Variants in BPTF observed in about 807,000 individuals in gnomAD.
BPTF encodes nucleosome-remodeling factor subunit BPTF.
In BPTF, 18 loss-of-function variants were observed where a neutral mutation model predicts 292.5. The observed-to-expected ratio is 0.06, with a 90% confidence interval of 0.04 to 0.09. The LOEUF is 0.09. Ranked by LOEUF, BPTF falls within the 10% of genes least tolerant of loss-of-function variation. The probability of loss-of-function intolerance (pLI) is 1.00; values close to 1 mark genes in which losing one functional copy is unlikely to be tolerated. For missense variants in BPTF, 2,726 were observed against 3,498.7 expected (o/e 0.78, Z 5.57); for synonymous variants, 1,225 against 1,251.9 (o/e 0.98, Z 0.45).
At chr17:67,882,206 A>T (rs1025341970) in intron 4 of BPTF, among the ~76,000 whole-genome samples, 2 of 150,424 alleles carry the variant, frequency 1.3e-5, no homozygotes, top group Non-Finnish European at 3.0e-5. Flanking sequence ...ACTTGGAATC[A>T]TTTTTTTTTC....
At chr17:67,842,313 C>G (rs903471668) in intron 1 of BPTF, among the ~76,000 whole-genome samples, 7 of 152,134 alleles carry the variant, frequency 4.6e-5, no homozygotes, top group Non-Finnish European at 8.8e-5. Context: ...TCTTAAATTT[C>G]CTGTTGCAAC....
chr17:67,916,765 CAAAAAAA>C (rs768285922), intron 11 of BPTF, among the ~76,000 whole-genome samples: 1 of 56,382 alleles, frequency 1.8e-5, no homozygotes, highest in African/African-American at 5.7e-5. Flanking sequence ...TACTCTGTCT[CAAAAAAA>C]AAAAAAAAAA....
chr17:67,897,256 G>A (rs567648041), intron 7 of BPTF, among the ~76,000 whole-genome samples: 24 of 145,580 alleles, frequency 1.6e-4, no homozygotes, highest in Non-Finnish European at 2.8e-4. Flanking sequence ...CATGAGAATC[G>A]CTTGAACCCG....
intron 2 of BPTF, among the ~76,000 whole-genome samples, chr17:67,860,559 A>G (rs1217255212): frequency 6.6e-6 from 1 of 152,222 alleles, no homozygotes; most frequent in Non-Finnish European, 1.5e-5. Context: ...CTCAGAGGCC[A>G]GTTTTCATTC....
chr17:67,827,567 A>G (rs574010203), intron 1 of BPTF, among the ~76,000 whole-genome samples: 1 of 152,340 alleles, frequency 6.6e-6, no homozygotes, highest in South Asian at 2.1e-4. Flanking sequence ...CCTTTAAAAA[A>G]TAAAGTTTAT....
At chr17:67,958,696 A>G (rs2067180185) in intron 23 of BPTF, among the ~76,000 whole-genome samples, 1 of 151,320 alleles carries the variant, frequency 6.6e-6, no homozygotes, top group East Asian at 1.9e-4. Context: ...GTGCCACTGC[A>G]CTCCAGCCTA....
chr17:67,957,949 AG>A (rs2067112058), intron 23 of BPTF, among the ~76,000 whole-genome samples: 1 of 152,204 alleles, frequency 6.6e-6, no homozygotes, highest in Non-Finnish European at 1.5e-5. Context: ...TAGGGTAATA[AG>A]GTTTGCTTTG....
At chr17:67,973,263 A>G (rs1370840966) in intron 26 of BPTF, among the ~76,000 whole-genome samples, 2 of 149,838 alleles carry the variant, frequency 1.3e-5, no homozygotes, top group African/African-American at 4.9e-5. Context: ...AGTCCTAGCT[A>G]CTCCAGAGGC....
intron 2 of BPTF, among the ~76,000 whole-genome samples, chr17:67,865,893 A>G (rs2145448168): frequency 6.6e-6 from 1 of 152,276 alleles, no homozygotes; most frequent in African/African-American, 2.4e-5. Context: ...ATTATTTGAG[A>G]TAACTCCTTC....
chr17:67,904,575 T>G (rs2062054409), intron 8 of BPTF, 127 bp from the exon 9 acceptor site: 1 of 675,168 alleles, frequency 1.5e-6, no homozygotes, highest in African/African-American at 1.9e-5. Flanking sequence ...TGGAAAAACC[T>G]GGGGATGATT....
chr17:67,945,912 C>G lies in BPTF; in HGVS notation c.7204C>G (p.Gln2402Glu). 1.2e-6 allele frequency: 2 copies of G among 1,614,194 alleles called. No homozygotes were observed. The highest frequency in any genetic ancestry group is 1.7e-6 in the Non-Finnish European group (2 of 1,180,030). Residue 2402 changes from glutamine to glutamate, a missense_variant, in exon 21 of 28, where the codon CAA becomes GAA. Coordinates refer to ENST00000306378, the MANE Select transcript of BPTF (RefSeq NM_182641.4). ...QSQPQVQSST[Q>E]TLSSGQTLNQ... The stretch of plus-strand genomic sequence containing the variant: ...ACAACCCCAGGTACAGTCTTCAACT[C>G]AAACTCTTTCATCAGGACAAACTTT...
chr17:67,839,170 C>A (rs1306131926), intron 1 of BPTF, among the ~76,000 whole-genome samples: 83 of 151,254 alleles, frequency 5.5e-4, no homozygotes, highest in African/African-American at 2.0e-3. Flanking sequence ...CATTGTGTAC[C>A]ACCTCCAAAG....
At position 67,911,280 on chromosome 17, in the gene BPTF, A is replaced by G. The variant is rs1224698762; in HGVS notation, c.3396A>G (p.Gln1132=). 5.0e-6 allele frequency: 8 copies of G among 1,613,976 alleles called. No individual in the cohort carries two copies. The highest frequency in any genetic ancestry group is 2.7e-5 in the African/African-American group (2 of 74,942). ...AGAGCCCAAATGCAAATAATGATCA[A>G]CCTGAGGACTTGATTCAGGGATGTT... ...QEQSPNANND[Q]PEDLIQGCSE... is the part of the protein sequence containing the mutation. Residue 1132 remains glutamine (Q), a synonymous_variant, in exon 11 of 28, where the codon CAA becomes CAG. Coordinates refer to ENST00000306378, the MANE Select transcript of BPTF (RefSeq NM_182641.4).
At chr17:67,955,265 CA>C (rs1279308059) in intron 23 of BPTF, 2 of 130,846 alleles carry the variant, frequency 1.5e-5, no homozygotes, top group African/African-American at 6.2e-5. Flanking sequence ...GCGACAGAGC[CA>C]GACTCTGTCT....
intron 15 of BPTF, among the ~76,000 whole-genome samples, chr17:67,928,129 C>A (rs112664844): frequency 0.018 from 2,796 of 152,158 alleles, 94 homozygotes; most frequent in African/African-American, 0.064. Flanking sequence ...GGTGATCCAC[C>A]CACCTCAGCC....
chr17:67,863,805 C>T (rs2059229575), intron 2 of BPTF, among the ~76,000 whole-genome samples: 1 of 152,180 alleles, frequency 6.6e-6, no homozygotes, highest in African/African-American at 2.4e-5. Flanking sequence ...GTTCTTTACT[C>T]TTCATTTCTA....
At chr17:67,979,242 G>A (rs575330632) in intron 27 of BPTF, among the ~76,000 whole-genome samples, 5 of 146,200 alleles carry the variant, frequency 3.4e-5, no homozygotes, top group South Asian at 2.2e-4. Context: ...TTACATTTTC[G>A]TAGTAACGTA....
intron 27 of BPTF, among the ~76,000 whole-genome samples, chr17:67,979,129 C>A: frequency 8.0e-6 from 1 of 125,424 alleles, no homozygotes; most frequent in African/African-American, 3.1e-5. Flanking sequence ...ATCTTCATGC[C>A]ACTGCACTCC....
intron 1 of BPTF, among the ~76,000 whole-genome samples, chr17:67,847,196 C>T (rs2058085414): frequency 6.6e-6 from 1 of 152,118 alleles, no homozygotes; most frequent in South Asian, 2.1e-4. Flanking sequence ...AAAATGCTTA[C>T]TTAGCACAAT....
Sources: gnomAD v4.1 joint callset for allele counts (sites outside exome capture counted in the v4.1 genomes callset) on GRCh38, gnomAD v4.1.1 for gene constraint, MANE v1.5 for transcripts, NCBI Gene and HGNC (gene_info 2026-07-23, HGNC 2026-07-21) for gene names.